Variants in SUPT5H observed in about 807,000 individuals in gnomAD.
The protein encoded by SUPT5H is SPT5 homolog, DSIF elongation factor subunit.
Under a neutral mutation model 142.5 loss-of-function variants are expected in SUPT5H, and 24 were observed. The observed-to-expected ratio is 0.17, with a 90% CI of 0.12 to 0.24. The LOEUF (loss-of-function observed/expected upper bound fraction) is 0.24, where lower values mean the gene tolerates loss of function less well. SUPT5H is among the 10% of genes least tolerant of loss of function. The pLI is 1.00. For missense variants in SUPT5H, 893 were observed against 1,471.8 expected, an observed-to-expected ratio of 0.61 and a Z score of 6.43; for synonymous variants, 546 against 553.0, an observed-to-expected ratio of 0.99 and a Z score of 0.18.
At chr19:39,450,432 C>T (rs886098224) in intron 2 of SUPT5H, among the ~76,000 whole-genome samples, 1 of 152,186 alleles carries the variant, frequency 6.6e-6, no homozygotes, top group African/African-American at 2.4e-5. Context: ...CATGCCACTG[C>T]GCCCAGGCCC....
intron 8 of SUPT5H, 86 bp from the exon 9 acceptor site, chr19:39,459,473 G>C: frequency 1.3e-6 from 2 of 1,545,568 alleles, no homozygotes; most frequent in Middle Eastern, 1.7e-4. Context: ...TGTGAAACCA[G>C]AGGAAGGGGG....
chr19:39,465,394 C>T (rs1057368119), intron 11 of SUPT5H, among the ~76,000 whole-genome samples: 3 of 152,170 alleles, frequency 2.0e-5, no homozygotes, highest in South Asian at 2.1e-4. Context: ...CGAGGGCCTG[C>T]GGCCCATTGG....
rs185011055 is a variant in SUPT5H at position 39,458,386 on chromosome 19, C to G, written c.319+81C>G. 3 of 1,597,962 alleles carry G rather than the reference C, an allele frequency of 1.9e-6. No individual in the cohort carries two copies. The African/African-American group carries it at 4.0e-5, about 21-fold the overall frequency. ...TCCTTCCTGAGGCACCTGCCCTCAC[C>G]GGTAGCCTCCCCACCAGCCCCGGTC... On this transcript the variant is annotated intron_variant, in intron 5 of 29. Transcript: ENST00000432763. This position sits in a 1 kb window ranked among gnomAD's most constrained non-coding sequence, Gnocchi z 4.2.
At chr19:39,462,174 G>C (rs927596405) in intron 10 of SUPT5H, among the ~76,000 whole-genome samples, 1 of 152,182 alleles carries the variant, frequency 6.6e-6, no homozygotes. Context: ...CTCCCAAAGT[G>C]CTGGGATGGC....
Position 39,476,638 on chromosome 19 carries a change from T to A in SUPT5H, c.*239T>A. 1.8e-6 allele frequency: 1 copy of A among 557,550 alleles called. No individual in the cohort carries two copies. Among genetic ancestry groups the A allele is most frequent in the Non-Finnish European group, 3.2e-6 (1 of 314,144 alleles). 34.5% of individuals were successfully genotyped at this position (557,550 alleles called of 1,614,324 possible). ...CCCACAGCTTGCTTTTGTTGTACCG[T>A]CTTTCAATAAAAAGAAGCTGTTTGG... is the stretch of plus-strand genomic sequence containing the variant. On this transcript the variant is annotated 3_prime_UTR_variant, in exon 30 of 30. Coordinates refer to ENST00000432763, the MANE Select transcript of SUPT5H (RefSeq NM_001111020.3).
At chr19:39,448,582 C>T (rs978856038) in intron 2 of SUPT5H, among the ~76,000 whole-genome samples, 5 of 152,054 alleles carry the variant, frequency 3.3e-5, no homozygotes, top group African/African-American at 1.2e-4. Flanking sequence ...GCCGCTGGCT[C>T]CTCTTCAGTT....
At chr19:39,467,382 C>CA (rs36010470) in intron 13 of SUPT5H, 24,457 of 150,514 alleles carry the variant, frequency 0.16, 2,032 homozygotes, top group Non-Finnish European at 0.18. Flanking sequence ...GACTCCGTCT[C>CA]AAAAAAAAAG....
In SUPT5H at chr19:39,458,242, CACCA is replaced by C; in HGVS notation, c.308-51_308-48del. The C allele has an allele frequency of 1.0e-6, 1 of 998,470 alleles. No individual in the cohort carries two copies. Among genetic ancestry groups the C allele is most frequent in the Non-Finnish European group, 1.5e-6 (1 of 663,780 alleles). The allele number at this position is 998,470 out of a possible 1,614,324, so 61.9% of individuals were successfully genotyped here. A position where few individuals can be genotyped will look rare whatever the true frequency, so the allele number is the denominator to read the frequency against. On this transcript the variant is annotated intron_variant, in intron 4 of 29. Coordinates refer to ENST00000432763, the MANE Select transcript of SUPT5H (RefSeq NM_001111020.3). This position sits in a 1 kb window ranked among gnomAD's most constrained non-coding sequence, Gnocchi z 4.2. ...TTTGTCTGCCCTCGCCCACCACCACCACCACCACCACCACCACCACCACCACCAC... is the reference window on the plus strand; with the variant it reads ...TTTGTCTGCCCTCGCCCACCACCACCCCACCACCACCACCACCACCACCAC...
chr19:39,450,815 T>C (rs1219278231), intron 2 of SUPT5H, among the ~76,000 whole-genome samples: 3 of 152,200 alleles, frequency 2.0e-5, no homozygotes, highest in African/African-American at 7.2e-5. Flanking sequence ...GAAAGTTTCA[T>C]CTTAGTGCTA....
Position 39,458,244 on chromosome 19 carries a change from CCA to C in SUPT5H, c.308-48_308-47del. On this transcript the variant is annotated intron_variant, in intron 4 of 29. Transcript: ENST00000432763. This position sits in a 1 kb window ranked among gnomAD's most constrained non-coding sequence, Gnocchi z 4.2. Reference sequence around the variant, plus strand: ...TGTCTGCCCTCGCCCACCACCACCACCACCACCACCACCACCACCACCACCAC... The same window carrying C: ...TGTCTGCCCTCGCCCACCACCACCACCCACCACCACCACCACCACCACCAC... 3.7e-6 allele frequency: 4 copies of C among 1,084,160 alleles called. No homozygotes were observed. Among genetic ancestry groups the C allele is most frequent in the Non-Finnish European group, 5.4e-6 (4 of 736,036 alleles). The allele number at this position is 1,084,160 out of a possible 1,614,324, so 67.2% of individuals were successfully genotyped here.
chr19:39,473,554 G>C lies in SUPT5H; in HGVS notation c.2492+33G>C, dbSNP rs371309875. ...CAGGGTTCCCCAGGTTCTGGTGTGT[G>C]CTGGTGTGTGTGAGGGATGATGCTG... On this transcript the variant is annotated intron_variant, in intron 25 of 29. Coordinates refer to ENST00000432763, the MANE Select transcript of SUPT5H (RefSeq NM_001111020.3). The surrounding 1 kb of genome is among the most constrained non-coding windows in gnomAD (Gnocchi z 5.8). The C allele has an allele frequency of 2.5e-6, 4 of 1,594,396 alleles. No individual in the cohort carries two copies. In the African/African-American group the frequency reaches 5.4e-5, roughly 21 times the overall value.
chr19:39,445,728 G>C (rs1238368098), intron 1 of SUPT5H, 76 bp from the exon 2 acceptor site: 2 of 765,862 alleles, frequency 2.6e-6, no homozygotes, highest in African/African-American at 3.4e-5. Flanking sequence ...TGTGGCGTAG[G>C]AGGGGGTCCT....
Position 39,472,837 on chromosome 19 carries a change from G to A in SUPT5H, c.2063G>A (p.Gly688Asp), listed in dbSNP as rs1292471870. 1.2e-6 allele frequency: 2 copies of A among 1,613,504 alleles called. No homozygotes were observed. The highest frequency in any genetic ancestry group is 2.2e-5 in the East Asian group (1 of 44,894). Residue 688 changes from glycine to aspartate, a missense_variant, in exon 22 of 30, where the codon GGT becomes GAT. Around this residue, in one of 6 missense-constraint regions of SUPT5H, gnomAD observed 35 missense variants for 29.7 expected, o/e 1.18. Transcript: ENST00000432763. The surrounding 1 kb of genome is among the most constrained non-coding windows in gnomAD (Gnocchi z 4.2). ...CAGCGTGGCGGCTTTGGTAGCCCAG[G>A]TGGCGGCAGTGGTGGCATGAGCAGG... ...GGQRGGFGSP[G>D]GGSGGMSRGR...
At chr19:39,461,837 A>AAT (rs1568425350) in intron 10 of SUPT5H, among the ~76,000 whole-genome samples, 1 of 146,582 alleles carries the variant, frequency 6.8e-6, no homozygotes. Flanking sequence ...AAAAAAAAAA[A>AAT]AAATAATAAT....
At position 39,476,161 on chromosome 19, in the gene SUPT5H, CA is replaced by C. The variant is rs1308831635; in HGVS notation, c.3106del (p.Thr1036ProfsTer6). 6.2e-7 allele frequency: 1 copy of C among 1,614,030 alleles called. No homozygotes were observed. Among genetic ancestry groups the C allele is most frequent in the Non-Finnish European group, 8.5e-7 (1 of 1,180,034 alleles). On this transcript the variant is annotated frameshift_variant, in exon 29 of 30. Transcript: ENST00000432763. LOFTEE classifies it high-confidence loss of function. ...GTGAGCACCTGGAGCCTATCACCCC[CA>C]CCAAGAACAACAAGGTAAGGGCAGG... ...SSEHLEPITPTKNNKVKVILG... is the reference protein window; with the variant it reads ...SSEHLEPITPXKNNKVKVILG...
rs774350118 is a variant in SUPT5H, at chr19:39,469,199, G to C, written c.1237+27G>C. ...TATTTGATCCCCCTCTATAACCTGG[G>C]CCAAGGAGCAGGGGCGGCCCATGGT... On this transcript the variant is annotated intron_variant, in intron 15 of 29. Transcript: ENST00000432763. This position sits in a 1 kb window ranked among gnomAD's most constrained non-coding sequence, Gnocchi z 5.1. 1.9e-6 allele frequency: 3 copies of C among 1,614,072 alleles called. No individual in the cohort carries two copies. In the African/African-American group the frequency reaches 4.0e-5, roughly 22 times the overall value.
intron 2 of SUPT5H, among the ~76,000 whole-genome samples, chr19:39,447,271 A>G (rs998656733): frequency 2.5e-4 from 38 of 152,122 alleles, no homozygotes; most frequent in South Asian, 2.1e-4. Flanking sequence ...GTGGTAAGGA[A>G]TTTGGTCTTA....
chr19:39,465,652 A>G (rs1156337097), intron 11 of SUPT5H, among the ~76,000 whole-genome samples: 1 of 152,210 alleles, frequency 6.6e-6, no homozygotes, highest in African/African-American at 2.4e-5. Flanking sequence ...CACATCCTCC[A>G]ATGCACAGGA....
In SUPT5H at chr19:39,474,793, C is replaced by T. The variant is rs1232851390; in HGVS notation, c.3024+75C>T. The T allele has an allele frequency of 2.1e-6, 3 of 1,462,178 alleles. No individual in the cohort carries two copies. The highest frequency in any genetic ancestry group is 2.8e-6 in the Non-Finnish European group (3 of 1,073,084). 90.6% of individuals were successfully genotyped at this position (1,462,178 alleles called of 1,614,324 possible). ...CCCCTAAACTGGAGACAGACCTGTC[C>T]CCAGATGGTGACAGCCCAGAGTGGG... On this transcript the variant is annotated intron_variant, in intron 28 of 29. Coordinates refer to ENST00000432763, the MANE Select transcript of SUPT5H (RefSeq NM_001111020.3). The surrounding 1 kb of genome is among the most constrained non-coding windows in gnomAD (Gnocchi z 6.5).
Sources: gnomAD v4.1 joint callset for allele counts (sites outside exome capture counted in the v4.1 genomes callset) on GRCh38, gnomAD v4.1.1 for gene constraint, gnomAD v4.1.1 regional missense constraint, Gnocchi (gnomAD v3.1) non-coding constraint, MANE v1.5 for transcripts, NCBI Gene and HGNC (gene_info 2026-07-23, HGNC 2026-07-21) for gene names.